Variants in TBCA observed in about 807,000 individuals in gnomAD.
TBCA encodes the protein tubulin-specific chaperone A.
TBCA carries 6 observed loss-of-function variants against 15.8 expected under a neutral mutation model. That is an observed-to-expected ratio of 0.38 (90% CI 0.21 to 0.75). The LOEUF is 0.75. Among genes scored for constraint, TBCA ranks in the 30% least tolerant of loss-of-function variants. The pLI is 0.46. For synonymous variants in TBCA, 32 were observed against 42.3 expected (o/e 0.76, Z 0.94); for missense variants, 90 against 131.2 (o/e 0.69, Z 1.53).
intron 1 of TBCA, among the ~76,000 whole-genome samples, chr5:77,765,854 C>A (rs1389689220): frequency 6.9e-6 from 1 of 145,766 alleles, no homozygotes; most frequent in Non-Finnish European, 1.5e-5. Context: ...CATTGTGGCA[C>A]CATTTGTACA....
intron 1 of TBCA, among the ~76,000 whole-genome samples, chr5:77,763,959 T>TAA (rs1747713801): frequency 6.6e-6 from 1 of 152,112 alleles, no homozygotes. Flanking sequence ...ACACAGTTAA[T>TAA]AAGTGAAACA....
intron 1 of TBCA, among the ~76,000 whole-genome samples, chr5:77,768,605 G>A (rs1189964810): frequency 1.3e-5 from 2 of 152,128 alleles, no homozygotes; most frequent in African/African-American, 4.8e-5. Flanking sequence ...TCCTTCATCT[G>A]TGTATTGCAA....
chr5:77,695,905 G>A (rs1345720148), intron 2 of TBCA, among the ~76,000 whole-genome samples: 1 of 152,198 alleles, frequency 6.6e-6, no homozygotes, highest in East Asian at 1.9e-4. Context: ...TTTTATAGGG[G>A]GTACTTATTT....
chr5:77,755,412 AATAAAAAT>A (rs1348104558), intron 1 of TBCA, among the ~76,000 whole-genome samples: 18 of 151,774 alleles, frequency 1.2e-4, no homozygotes, highest in African/African-American at 4.1e-4. Flanking sequence ...CCCTGTCTCT[AATAAAAAT>A]ATAAAAATTA....
chr5:77,712,605 A>C (rs1746305653), intron 1 of TBCA, among the ~76,000 whole-genome samples: 1 of 152,212 alleles, frequency 6.6e-6, no homozygotes. Flanking sequence ...AATCACTCAT[A>C]ATCACTACAG....
At chr5:77,744,531 C>CT (rs70991305) in intron 1 of TBCA, among the ~76,000 whole-genome samples, 24,169 of 82,532 alleles carry the variant, frequency 0.29, 5,061 homozygotes, top group Non-Finnish European at 0.36. Context: ...TCTTATTCAC[C>CT]TTTTTTTTTT....
chr5:77,740,747 G>C (rs1196915879), intron 1 of TBCA, among the ~76,000 whole-genome samples: 2 of 152,126 alleles, frequency 1.3e-5, no homozygotes, highest in African/African-American at 4.8e-5. Context: ...TCATGAGTGG[G>C]CAATATTGCT....
At chr5:77,750,130 T>A (rs1747284239) in intron 1 of TBCA, among the ~76,000 whole-genome samples, 1 of 113,380 alleles carries the variant, frequency 8.8e-6, no homozygotes, top group East Asian at 2.8e-4. Context: ...TGCAAATTTG[T>A]GCTCTCTCTC....
At chr5:77,765,216 C>T (rs756262415) in intron 1 of TBCA, among the ~76,000 whole-genome samples, 1 of 152,046 alleles carries the variant, frequency 6.6e-6, no homozygotes, top group African/African-American at 2.4e-5. Flanking sequence ...TCACATAGCC[C>T]CTGAAAAACT....
chr5:77,773,358 A>C (rs1747954611), intron 1 of TBCA, among the ~76,000 whole-genome samples: 1 of 151,818 alleles, frequency 6.6e-6, no homozygotes, highest in Non-Finnish European at 1.5e-5. Context: ...TCTTTTTTTA[A>C]CTTCATTAAA....
chr5:77,739,953 G>C (rs949882434), intron 1 of TBCA, among the ~76,000 whole-genome samples: 1 of 152,140 alleles, frequency 6.6e-6, no homozygotes, highest in Non-Finnish European at 1.5e-5. Flanking sequence ...TTAAATGTGG[G>C]GCTAGGGGAG....
At chr5:77,722,240 G>C (rs1022557491) in intron 1 of TBCA, among the ~76,000 whole-genome samples, 1 of 151,844 alleles carries the variant, frequency 6.6e-6, no homozygotes, top group Admixed American at 6.6e-5. Flanking sequence ...GTAACATTTG[G>C]GATTAAACAA....
intron 1 of TBCA, among the ~76,000 whole-genome samples, chr5:77,768,925 T>C (rs1261420463): frequency 6.6e-6 from 1 of 152,224 alleles, no homozygotes; most frequent in African/African-American, 2.4e-5. Flanking sequence ...ATTTTCAAAA[T>C]TTCCAACCAA....
At chr5:77,705,683 C>T in intron 2 of TBCA, 1 of 397,122 alleles carries the variant, frequency 2.5e-6, no homozygotes, top group Admixed American at 4.4e-5. Flanking sequence ...TAAAAATTGG[C>T]CAGGCATGGT....
chr5:77,757,284 G>GA (rs545800878), intron 1 of TBCA, among the ~76,000 whole-genome samples: 31 of 152,098 alleles, frequency 2.0e-4, no homozygotes, highest in African/African-American at 7.2e-4. Context: ...CTTTAGCCCA[G>GA]AAAAAAACCC....
intron 1 of TBCA, among the ~76,000 whole-genome samples, chr5:77,727,239 GAAAAAA>G (rs35477479): frequency 2.1e-4 from 17 of 81,042 alleles, no homozygotes; most frequent in Admixed American, 3.3e-4. Flanking sequence ...TCTGTCTCAG[GAAAAAA>G]AAAAAAAAAA....
At chr5:77,720,287 GTT>G (rs926575499) in intron 1 of TBCA, among the ~76,000 whole-genome samples, 3 of 152,096 alleles carry the variant, frequency 2.0e-5, no homozygotes, top group Non-Finnish European at 4.4e-5. Context: ...GAGGGGTTTT[GTT>G]TTGTTTTTAA....
At chr5:77,707,470 A>G (rs2662352) in intron 2 of TBCA, among the ~76,000 whole-genome samples, 58,058 of 151,894 alleles carry the variant, frequency 0.38, 11,175 homozygotes, top group South Asian at 0.41. Context: ...GAGTAAGAGC[A>G]TCCCAGACAT....
chr5:77,696,967 A>G (rs995315453), intron 2 of TBCA, among the ~76,000 whole-genome samples: 1 of 152,204 alleles, frequency 6.6e-6, no homozygotes, highest in Non-Finnish European at 1.5e-5. Flanking sequence ...AGATAAAGTA[A>G]ACTTCAAAGC....
Sources: allele counts gnomAD v4.1 joint callset (sites outside exome capture counted in the v4.1 genomes callset), GRCh38; gene constraint gnomAD v4.1.1; transcripts MANE v1.5; gene names NCBI Gene and HGNC (gene_info 2026-07-23, HGNC 2026-07-21).